Variants in PTER observed in about 807,000 individuals in gnomAD.
The protein encoded by PTER is N-acetyltaurine hydrolase.
Under a neutral mutation model 29.6 loss-of-function variants are expected in PTER, and 38 were observed. The ratio of observed to expected loss-of-function variants is 1.28; its 90% CI spans 0.99 to 1.68. PTER has a LOEUF of 1.68. Ranked by LOEUF, PTER falls within the 40% of genes most tolerant of loss-of-function variation. The probability of loss-of-function intolerance (pLI) is 0.00; values close to 1 mark genes in which losing one functional copy is unlikely to be tolerated. For missense variants in PTER, 482 were observed against 427.8 expected (o/e 1.13, Z -1.12); for synonymous variants, 172 against 154.5 (o/e 1.11, Z -0.84).
chr10:16,504,104 T>G (rs1403404493), intron 3 of PTER, among the ~76,000 whole-genome samples: 1 of 152,202 alleles, frequency 6.6e-6, no homozygotes, highest in Non-Finnish European at 1.5e-5. Context: ...TCACTTTTTT[T>G]TTCCCATATT....
At chr10:16,457,607 T>C (rs112081364) in intron 1 of PTER, among the ~76,000 whole-genome samples, 1 of 149,396 alleles carries the variant, frequency 6.7e-6, no homozygotes, top group African/African-American at 2.5e-5. Flanking sequence ...GTACTTTGTT[T>C]TTGTTTTTTT....
intron 1 of PTER, among the ~76,000 whole-genome samples, chr10:16,464,272 A>G (rs1465472107): frequency 6.6e-6 from 1 of 152,208 alleles, no homozygotes; most frequent in Admixed American, 6.5e-5. Context: ...TCAGAATTCA[A>G]TTCCTAGGAA....
chr10:16,440,890 A>G (rs1056414876), intron 1 of PTER, among the ~76,000 whole-genome samples: 4 of 152,224 alleles, frequency 2.6e-5, no homozygotes, highest in Non-Finnish European at 5.9e-5. Context: ...AATGAATATT[A>G]TCAGATAAGC....
chr10:16,503,891 T>C (rs756557167), intron 3 of PTER, among the ~76,000 whole-genome samples: 3 of 152,178 alleles, frequency 2.0e-5, no homozygotes, highest in Non-Finnish European at 4.4e-5. Context: ...AATATCAGCA[T>C]GGATAAAAAG....
At chr10:16,480,620 T>A (rs1835444717) in intron 1 of PTER, among the ~76,000 whole-genome samples, 1 of 152,168 alleles carries the variant, frequency 6.6e-6, no homozygotes, top group African/African-American at 2.4e-5. Context: ...GTATTTCAGT[T>A]AAGAGAAGCT....
chr10:16,438,935 A>G (rs998771440), intron 1 of PTER, among the ~76,000 whole-genome samples: 21 of 150,732 alleles, frequency 1.4e-4, no homozygotes, highest in Non-Finnish European at 2.4e-4. Flanking sequence ...AAAAAAAAAA[A>G]AAAGGTAAGT....
At chr10:16,514,205 C>CATAT (rs34471233), downstream of PTER, 12 of 416,364 alleles carry the variant, frequency 2.9e-5, no homozygotes, top group Admixed American at 8.4e-5. Flanking sequence ...ACCAAAGTAT[C>CATAT]ATATATATAG....
intron 1 of PTER, among the ~76,000 whole-genome samples, chr10:16,456,074 A>C (rs1834385123): frequency 1.3e-5 from 2 of 152,212 alleles, no homozygotes; most frequent in Admixed American, 6.5e-5. Flanking sequence ...AAGGCAAGTG[A>C]GTTTTCACAG....
chr10:16,495,534 T>C (rs1836063155), intron 3 of PTER, among the ~76,000 whole-genome samples: 1 of 152,228 alleles, frequency 6.6e-6, no homozygotes, highest in African/African-American at 2.4e-5. Flanking sequence ...ATTTTTTCAA[T>C]AAATCAGTTG....
intron 3 of PTER, among the ~76,000 whole-genome samples, chr10:16,497,921 AT>A (rs201205865): frequency 0.082 from 12,158 of 148,284 alleles, 560 homozygotes; most frequent in East Asian, 0.15. Flanking sequence ...TTTGGACACC[AT>A]TTTTTTTTTT....
chr10:16,505,308 G>C (rs1836520725), intron 4 of PTER, 148 bp downstream of exon 4: 17 of 1,036,206 alleles, frequency 1.6e-5, no homozygotes, highest in Middle Eastern at 2.3e-4. Flanking sequence ...CTGTTTCAGG[G>C]AGAAAAATCT....
intron 3 of PTER, among the ~76,000 whole-genome samples, chr10:16,501,920 T>G (rs11254033): frequency 6.6e-6 from 1 of 151,962 alleles, no homozygotes; most frequent in African/African-American, 2.4e-5. Context: ...TAATGCACTT[T>G]GCACAATGTC....
intron 1 of PTER, among the ~76,000 whole-genome samples, chr10:16,477,495 A>C (rs908104774): frequency 1.3e-5 from 2 of 152,172 alleles, no homozygotes; most frequent in African/African-American, 4.8e-5. Flanking sequence ...ACATTTAAAA[A>C]TCCATTGTGC....
intron 1 of PTER, among the ~76,000 whole-genome samples, chr10:16,470,111 G>A (rs1319438606): frequency 1.3e-5 from 2 of 152,066 alleles, no homozygotes; most frequent in African/African-American, 4.8e-5. Flanking sequence ...TCAATATTTG[G>A]CATTCTCTAA....
intron 1 of PTER, among the ~76,000 whole-genome samples, chr10:16,445,276 G>A (rs1833977724): frequency 6.6e-6 from 1 of 152,156 alleles, no homozygotes; most frequent in Non-Finnish European, 1.5e-5. Context: ...GCTGAGCGTG[G>A]TGGCTCCTGC....
intron 4 of PTER, among the ~76,000 whole-genome samples, chr10:16,510,384 A>G (rs544236004): frequency 3.3e-5 from 5 of 152,348 alleles, no homozygotes; most frequent in African/African-American, 1.2e-4. Flanking sequence ...AAGACAGAAT[A>G]TATTTGTATT....
At chr10:16,499,508 C>T (rs548531078) in intron 3 of PTER, among the ~76,000 whole-genome samples, 1 of 152,048 alleles carries the variant, frequency 6.6e-6, no homozygotes, top group East Asian at 1.9e-4. Context: ...GTGGCTTGAT[C>T]GTGACTCACT....
chr10:16,476,901 C>CTTTTTTTT (rs1010674988), intron 1 of PTER, among the ~76,000 whole-genome samples: 4 of 100,360 alleles, frequency 4.0e-5, no homozygotes, highest in African/African-American at 1.8e-4. Flanking sequence ...TCCTAGAATT[C>CTTTTTTTT]TTTTTTTTTT....
Position 16,484,814 on chromosome 10 carries a change from C to G in PTER, c.430C>G (p.Gln144Glu). Reference sequence around the variant, plus strand: ...AGAGACCAGGGCCATGTCAGTGGAGCAGGTAAAAAGCCTAAGTTCTTTGAC... The same window carrying G: ...AGAGACCAGGGCCATGTCAGTGGAGGAGGTAAAAAGCCTAAGTTCTTTGAC... ...SSETRAMSVEQLTDVLMNEIL... is the reference protein window; with the variant it reads ...SSETRAMSVEELTDVLMNEIL... The change falls in exon 2 of 5, where the codon CAG becomes GAG. Residue 144 changes from glutamine to glutamate, a missense_variant and splice_region_variant. Physicochemically the swap from Gln to Glu is conservative, Grantham distance 29 (BLOSUM62 2). Coordinates refer to ENST00000535784, the MANE Select transcript of PTER (RefSeq NM_001261836.2). 2 of 1,589,654 alleles carry G rather than the reference C, an allele frequency of 1.3e-6. No individual in the cohort carries two copies. Among genetic ancestry groups the G allele is most frequent in the Non-Finnish European group, 1.7e-6 (2 of 1,171,440 alleles).
Sources: allele counts gnomAD v4.1 joint callset (sites outside exome capture counted in the v4.1 genomes callset), GRCh38; gene constraint gnomAD v4.1.1; transcripts MANE v1.5; gene names NCBI Gene and HGNC (gene_info 2026-07-23, HGNC 2026-07-21).